Variants in GABRB1 observed in about 807,000 individuals in gnomAD.
GABRB1 encodes the protein gamma-aminobutyric acid type A receptor subunit beta1.
Under a neutral mutation model 51.6 loss-of-function variants are expected in GABRB1, and 17 were observed. The ratio of observed to expected loss-of-function variants is 0.33; its 90% CI spans 0.23 to 0.49. The LOEUF is 0.49. GABRB1 is among the 20% of genes least tolerant of loss of function. The pLI, the probability that GABRB1 is intolerant of heterozygous loss-of-function variation, is 0.99. For missense variants in GABRB1, 410 were observed against 600.6 expected, an observed-to-expected ratio of 0.68 and a Z score of 3.32; for synonymous variants, 247 against 218.9, an observed-to-expected ratio of 1.13 and a Z score of -1.14.
At chr4:46,999,098 T>C (rs1577811041) in intron 1 of GABRB1, among the ~76,000 whole-genome samples, 1 of 152,310 alleles carries the variant, frequency 6.6e-6, no homozygotes, top group South Asian at 2.1e-4. Context: ...CAGCACCTAA[T>C]AGTAATGGTT....
intron 3 of GABRB1, among the ~76,000 whole-genome samples, chr4:47,150,041 A>G (rs1008376838): frequency 7.2e-5 from 11 of 151,984 alleles, no homozygotes; most frequent in Non-Finnish European, 1.5e-5. Context: ...TATTTAGAAA[A>G]TGATGGTTCC....
At chr4:47,251,232 C>T (rs1361478790) in intron 4 of GABRB1, among the ~76,000 whole-genome samples, 1 of 152,152 alleles carries the variant, frequency 6.6e-6, no homozygotes, top group Non-Finnish European at 1.5e-5. Context: ...GGTCTAGCCA[C>T]ACAGCAAGTC....
At chr4:47,362,106 G>T (rs906922349) in intron 5 of GABRB1, among the ~76,000 whole-genome samples, 1 of 152,142 alleles carries the variant, frequency 6.6e-6, no homozygotes, top group East Asian at 1.9e-4. Flanking sequence ...ATAGCAGGAT[G>T]ACTAGGAGAA....
chr4:47,248,677 T>C (rs963299852), intron 4 of GABRB1, among the ~76,000 whole-genome samples: 2 of 152,050 alleles, frequency 1.3e-5, no homozygotes, highest in African/African-American at 4.8e-5. Flanking sequence ...ACTATTTGAA[T>C]CTCACTGCTT....
At chr4:47,187,182 T>C (rs1480455179) in intron 4 of GABRB1, among the ~76,000 whole-genome samples, 5 of 151,814 alleles carry the variant, frequency 3.3e-5, no homozygotes, top group African/African-American at 1.2e-4. Flanking sequence ...ATACAGTTTG[T>C]ACCTAAGCAA....
At chr4:47,131,201 C>A (rs1228844950) in intron 3 of GABRB1, among the ~76,000 whole-genome samples, 2 of 151,882 alleles carry the variant, frequency 1.3e-5, no homozygotes, top group East Asian at 3.9e-4. Context: ...GCTCTGTAGT[C>A]CAGGCTGGAG....
intron 4 of GABRB1, among the ~76,000 whole-genome samples, chr4:47,315,865 A>G (rs1460457608): frequency 6.6e-6 from 1 of 151,686 alleles, no homozygotes; most frequent in African/African-American, 2.4e-5. Context: ...AGAAGGAAAA[A>G]CAGTCACTGA....
intron 5 of GABRB1, among the ~76,000 whole-genome samples, chr4:47,385,115 T>C (rs998002956): frequency 6.6e-6 from 1 of 152,196 alleles, no homozygotes; most frequent in African/African-American, 2.4e-5. Context: ...CAATCTTCCT[T>C]TTTAACCAGA....
intron 4 of GABRB1, among the ~76,000 whole-genome samples, chr4:47,172,507 G>T (rs958206938): frequency 1.3e-5 from 2 of 151,756 alleles, no homozygotes; most frequent in Non-Finnish European, 2.9e-5. Context: ...AACTGTGAGT[G>T]TTGCTCACTA....
intron 3 of GABRB1, among the ~76,000 whole-genome samples, chr4:47,126,845 T>C (rs1716167254): frequency 6.6e-6 from 1 of 152,006 alleles, no homozygotes; most frequent in Non-Finnish European, 1.5e-5. Context: ...TGGAAAATAT[T>C]GCAGGAAGAT....
At chr4:47,052,764 A>G (rs148918807) in intron 3 of GABRB1, among the ~76,000 whole-genome samples, 1 of 152,300 alleles carries the variant, frequency 6.6e-6, no homozygotes, top group Non-Finnish European at 1.5e-5. Flanking sequence ...AGCATTATGC[A>G]TCTTCCTGTC....
chr4:47,184,076 A>G (rs73247662), intron 4 of GABRB1, among the ~76,000 whole-genome samples: 3 of 151,998 alleles, frequency 2.0e-5, no homozygotes, highest in Non-Finnish European at 4.4e-5. Context: ...TCCCACTGTA[A>G]ATTAAAATCT....
intron 3 of GABRB1, among the ~76,000 whole-genome samples, chr4:47,078,013 G>C (rs1341198240): frequency 2.2e-5 from 3 of 136,820 alleles, no homozygotes; most frequent in Non-Finnish European, 4.6e-5. Flanking sequence ...TATTGGGAAG[G>C]AGTTTTGCTC....
chr4:47,019,584 TCCTC>T (rs1387963625), intron 1 of GABRB1, among the ~76,000 whole-genome samples: 6 of 131,312 alleles, frequency 4.6e-5, no homozygotes, highest in South Asian at 5.2e-4. Context: ...TCTCCCTCCT[TCCTC>T]CCTCCCTCCC....
At chr4:47,352,499 T>C (rs941771696) in intron 5 of GABRB1, among the ~76,000 whole-genome samples, 11 of 152,164 alleles carry the variant, frequency 7.2e-5, no homozygotes, top group African/African-American at 1.4e-4. Context: ...TTGATGATCA[T>C]TGATGCAAAA....
At chr4:47,069,987 G>T (rs1317676888) in intron 3 of GABRB1, among the ~76,000 whole-genome samples, 3 of 151,480 alleles carry the variant, frequency 2.0e-5, no homozygotes, top group Non-Finnish European at 2.9e-5. Context: ...ATCTTATTCA[G>T]TGAAAATATT....
At position 47,190,143 on chromosome 4, in the gene GABRB1, C is replaced by T. The variant is rs555348626; in HGVS notation, c.461+28674C>T. On this transcript the variant is annotated intron_variant, in intron 4 of 8. Coordinates refer to ENST00000295454, the MANE Select transcript of GABRB1 (RefSeq NM_000812.4). Reference sequence around the variant, plus strand: ...GACTCCCTTAATCTTCTAGCTTTACCAGGTTTGGTGAATAGAACAATGTGA... The same window carrying T: ...GACTCCCTTAATCTTCTAGCTTTACTAGGTTTGGTGAATAGAACAATGTGA... Among the ~76,000 whole-genome samples the T allele has an allele frequency of 7.9e-5, 12 of 152,158 alleles. No homozygotes were observed. The East Asian group carries it at 1.9e-3, about 25-fold the overall frequency.
At chr4:47,325,620 G>A (rs1357534722) in intron 5 of GABRB1, among the ~76,000 whole-genome samples, 1 of 151,962 alleles carries the variant, frequency 6.6e-6, no homozygotes, top group African/African-American at 2.4e-5. Context: ...CTTTGTTTCT[G>A]GCAGACCATA....
chr4:47,229,305 A>G (rs1721058279), intron 4 of GABRB1, among the ~76,000 whole-genome samples: 3 of 152,154 alleles, frequency 2.0e-5, no homozygotes, highest in Admixed American at 2.0e-4. Context: ...TTTATGGTTT[A>G]TTTAAAAATA....
Sources: allele counts gnomAD v4.1 joint callset (sites outside exome capture counted in the v4.1 genomes callset), GRCh38; gene constraint gnomAD v4.1.1; transcripts MANE v1.5; gene names NCBI Gene and HGNC (gene_info 2026-07-23, HGNC 2026-07-21).